Variants in ATP9A observed in about 807,000 individuals in gnomAD.
ATP9A encodes the protein probable phospholipid-transporting ATPase IIA.
A neutral mutation model predicts 144.1 loss-of-function variants in ATP9A; 52 were observed. The observed-to-expected ratio is 0.36, with a 90% CI of 0.29 to 0.45. The LOEUF (loss-of-function observed/expected upper bound fraction) is 0.45. Ranked by LOEUF, ATP9A falls within the 20% of genes least tolerant of loss-of-function variation. The pLI is 1.00. For missense variants in ATP9A, 947 were observed against 1,392.7 expected (o/e 0.68, Z 5.09); for synonymous variants, 582 against 557.4 (o/e 1.04, Z -0.62).
At position 51,600,376 on chromosome 20, in the gene ATP9A, C is replaced by T. The variant is rs1283195105; in HGVS notation, c.*835G>A. 1.3e-5 allele frequency: 2 copies of T among 152,196 alleles called. No individual in the cohort carries two copies. Among genetic ancestry groups the T allele is most frequent in the African/African-American group, 4.8e-5 (2 of 41,438 alleles). 9.4% of individuals were successfully genotyped at this position (152,196 alleles called of 1,614,324 possible). A position where few individuals can be genotyped will look rare whatever the true frequency, so the allele number is the denominator to read the frequency against. ...TAGGGGCCATTCAGTGGCACGTTTC[C>T]TGCTAAAACAACTCTGCTGAAAATG... is the stretch of plus-strand genomic sequence containing the variant. On this transcript the variant is annotated 3_prime_UTR_variant, in exon 28 of 28. Transcript: ENST00000338821.
intron 14 of ATP9A, among the ~76,000 whole-genome samples, chr20:51,650,460 G>A (rs1473972111): frequency 6.6e-6 from 1 of 151,920 alleles, no homozygotes; most frequent in Non-Finnish European, 1.5e-5. Context: ...CTTGAACCCA[G>A]GAGACGGAGG....
intron 1 of ATP9A, among the ~76,000 whole-genome samples, chr20:51,767,394 C>A (rs1377444894): frequency 6.6e-6 from 1 of 151,118 alleles, no homozygotes; most frequent in East Asian, 2.0e-4. Flanking sequence ...CCAGCGCCCA[C>A]CCCCGTCCTT....
chr20:51,727,562 GGTGACAATGA>G (rs1404112674), intron 2 of ATP9A, among the ~76,000 whole-genome samples: 1 of 151,838 alleles, frequency 6.6e-6, no homozygotes, highest in Non-Finnish European at 1.5e-5. Context: ...CTCTCGCCTG[GGTGACAATGA>G]GTCCCCCACC....
Position 51,761,510 on chromosome 20 carries a change from C to T in ATP9A, c.68+6792G>A, listed in dbSNP as rs1418978858. 2.0e-5 allele frequency among the ~76,000 whole-genome samples: 3 copies of T among 152,030 alleles called. No individual in the cohort carries two copies. The East Asian group carries it at 5.8e-4, about 29-fold the overall frequency. On this transcript the variant is annotated intron_variant, in intron 1 of 27. Transcript: ENST00000338821. ...GGCGCCGTGGCTCACGGCTGTAATC[C>T]CAGCACTTTGGGAGGCCAAGGCGGG...
chr20:51,703,259 C>T (rs2122837223), intron 4 of ATP9A, among the ~76,000 whole-genome samples: 1 of 152,300 alleles, frequency 6.6e-6, no homozygotes, highest in South Asian at 2.1e-4. Flanking sequence ...ATAATATCTT[C>T]TTATAAAGTG....
intron 1 of ATP9A, among the ~76,000 whole-genome samples, chr20:51,757,680 G>A (rs534472477): frequency 3.9e-5 from 6 of 152,200 alleles, no homozygotes; most frequent in South Asian, 2.1e-4. Flanking sequence ...AGAGGTTGGC[G>A]GACTGCTTTA....
chr20:51,728,137 A>G (rs57798292), intron 2 of ATP9A, among the ~76,000 whole-genome samples: 10,280 of 152,050 alleles, frequency 0.068, 792 homozygotes, highest in African/African-American at 0.19. Flanking sequence ...GCAGCTAAGA[A>G]CCATTGGTGC....
rs181745417 is a variant in ATP9A, at chr20:51,619,733, T to G, written c.2116-690A>C. On this transcript the variant is annotated intron_variant, in intron 19 of 27. Coordinates refer to ENST00000338821, the MANE Select transcript of ATP9A (RefSeq NM_006045.3). Reference sequence around the variant, plus strand: ...AAAATACAAAATTAGCCGGGCTTGGTGGCACATGCCTATAATCCCAGCTAC... The same window carrying G: ...AAAATACAAAATTAGCCGGGCTTGGGGGCACATGCCTATAATCCCAGCTAC... 4.4e-3 allele frequency among the ~76,000 whole-genome samples: 666 copies of G among 151,142 alleles called. 1 individual carries two copies. The highest frequency in any genetic ancestry group is 8.0e-3 in the Non-Finnish European group (545 of 67,884).
At chr20:51,635,145 C>T (rs1270267839) in intron 15 of ATP9A, among the ~76,000 whole-genome samples, 1 of 152,218 alleles carries the variant, frequency 6.6e-6, no homozygotes, top group Non-Finnish European at 1.5e-5. Flanking sequence ...ATCTCATTCA[C>T]TCTCACCTGC....
intron 13 of ATP9A, among the ~76,000 whole-genome samples, chr20:51,669,349 T>C (rs1036084598): frequency 6.6e-6 from 1 of 152,200 alleles, no homozygotes; most frequent in Non-Finnish European, 1.5e-5. Context: ...TAATACTTTC[T>C]CTGAAAAGTG....
intron 15 of ATP9A, among the ~76,000 whole-genome samples, chr20:51,639,078 T>A (rs2077307579): frequency 6.6e-6 from 1 of 152,150 alleles, no homozygotes; most frequent in Non-Finnish European, 1.5e-5. Flanking sequence ...CAAAAGAGAA[T>A]GAGAGATGTA....
rs567996318 is a variant in ATP9A at position 51,717,501 on chromosome 20, A to G, written c.328-4427T>C. Among the ~76,000 whole-genome samples, 3 of 152,310 alleles carry G rather than the reference A, an allele frequency of 2.0e-5. No individual in the cohort carries two copies. In the East Asian group the frequency reaches 5.8e-4, roughly 29 times the overall value. On this transcript the variant is annotated intron_variant, in intron 3 of 27. Transcript: ENST00000338821. ...AGGAAAAGCTGACTAAAAAGGGTCT[A>G]CAACGTGGAGACCAACTGCTGGAGG...
chr20:51,736,489 C>CTT (rs1314893457), intron 1 of ATP9A, among the ~76,000 whole-genome samples: 5 of 119,258 alleles, frequency 4.2e-5, no homozygotes, highest in African/African-American at 1.5e-4. Flanking sequence ...TGTAGTTACT[C>CTT]TTATTTTTTT....
rs374031269 is a variant in ATP9A, at chr20:51,640,459, T to G, written c.1507-955A>C. On this transcript the variant is annotated intron_variant, in intron 14 of 27. Coordinates refer to ENST00000338821, the MANE Select transcript of ATP9A (RefSeq NM_006045.3). ...CTGATCTGGCCCCAAATGTCAATAGTGCTGAGGTGGAGAACACGGGTCCAC... is the reference window on the plus strand; with the variant it reads ...CTGATCTGGCCCCAAATGTCAATAGGGCTGAGGTGGAGAACACGGGTCCAC... 1.1e-4 allele frequency among the ~76,000 whole-genome samples: 17 copies of G among 152,222 alleles called. 2 individuals are homozygous for G. Among genetic ancestry groups the G allele is most frequent in the East Asian group, 3.9e-4 (2 of 5,174 alleles).
intron 22 of ATP9A, 46 bp from the exon 23 acceptor site, chr20:51,613,878 G>C (rs768317116): frequency 6.5e-7 from 1 of 1,529,486 alleles, no homozygotes; most frequent in Non-Finnish European, 8.8e-7. Context: ...CAAGAGGTCA[G>C]GGCAAACACA....
intron 18 of ATP9A, among the ~76,000 whole-genome samples, chr20:51,623,124 C>T (rs1366521966): frequency 6.6e-6 from 1 of 152,198 alleles, no homozygotes; most frequent in African/African-American, 2.4e-5. Context: ...GGGCACCTCT[C>T]AGGGCTGAGC....
At position 51,745,336 on chromosome 20, in the gene ATP9A, G is replaced by GAGGCAGGAGAATCGCTTGA. The variant is rs1266755894; in HGVS notation, c.69-15377_69-15359dup. Among the ~76,000 whole-genome samples the GAGGCAGGAGAATCGCTTGA allele has an allele frequency of 1.5e-4, 22 of 151,580 alleles. No homozygotes were observed. The South Asian group carries it at 2.9e-3, about 20-fold the overall frequency. ...TGTAGTCCCAGCTATTGGGGAGACT[G>GAGGCAGGAGAATCGCTTGA]AGGCAGGAGAATCGCTTGAACCCAG... On this transcript the variant is annotated intron_variant, in intron 1 of 27. Coordinates refer to ENST00000338821, the MANE Select transcript of ATP9A (RefSeq NM_006045.3).
At chr20:51,702,401 T>TGTGTGTGC (rs1171092580) in intron 4 of ATP9A, among the ~76,000 whole-genome samples, 1 of 150,222 alleles carries the variant, frequency 6.7e-6, no homozygotes, top group African/African-American at 2.5e-5. Flanking sequence ...TGTGTGTGTG[T>TGTGTGTGC]GTGCATGTAA....
chr20:51,621,154 A>AG (rs1022636071), intron 19 of ATP9A, among the ~76,000 whole-genome samples: 1 of 151,856 alleles, frequency 6.6e-6, no homozygotes, highest in African/African-American at 2.4e-5. Context: ...TCTCAAAAAA[A>AG]AAAAAAAAAG....
Sources: allele counts gnomAD v4.1 joint callset (sites outside exome capture counted in the v4.1 genomes callset), GRCh38; gene constraint gnomAD v4.1.1; transcripts MANE v1.5; gene names NCBI Gene and HGNC (gene_info 2026-07-23, HGNC 2026-07-21).